Variants in CRIP2 observed in about 807,000 individuals in gnomAD.
The protein encoded by CRIP2 is cysteine-rich protein 2.
Under a neutral mutation model 31.3 loss-of-function variants are expected in CRIP2, and 31 were observed. The ratio of observed to expected loss-of-function variants is 0.99; its 90% CI spans 0.74 to 1.34. The LOEUF (loss-of-function observed/expected upper bound fraction) is 1.34. Among genes scored for constraint, CRIP2 ranks in the 40% most tolerant of loss-of-function variants. The probability of loss-of-function intolerance (pLI) is 0.00; values close to 1 mark genes in which losing one functional copy is unlikely to be tolerated. For synonymous variants in CRIP2, 177 were observed against 127.2 expected (o/e 1.39, Z -2.63); for missense variants, 389 against 301.6 (o/e 1.29, Z -2.15).
At chr14:105,473,201 C>G (rs1215382261), upstream of CRIP2, 1 of 1,532,534 alleles carries the variant, frequency 6.5e-7, no homozygotes, top group African/African-American at 1.4e-5. Context: ...CCTAGGGACC[C>G]CTGGGCCTGC....
At chr14:105,476,541 G>C (rs587701560) in intron 1 of CRIP2, 1 of 985,348 alleles carries the variant, frequency 1.0e-6, no homozygotes, top group South Asian at 4.7e-5. Flanking sequence ...TTCCCAACTC[G>C]GACCCGTAAT....
In CRIP2 at chr14:105,478,208, GC is replaced by G; in HGVS notation, c.44-57del. 7.4e-7 allele frequency: 1 copy of G among 1,351,548 alleles called. No homozygotes were observed. The highest frequency in any genetic ancestry group is 1.5e-5 in the South Asian group (1 of 68,130). The allele number at this position is 1,351,548 out of a possible 1,614,324, so 83.7% of individuals were successfully genotyped here. A position where few individuals can be genotyped will look rare whatever the true frequency, so the allele number is the denominator to read the frequency against. Reference sequence around the variant, plus strand: ...TGGGGGTGGTGGCTGCCAGGTGGGGGCGGAGGGGGTGCGGGGCGCGCCCCGG... The same window carrying G: ...TGGGGGTGGTGGCTGCCAGGTGGGGGGGAGGGGGTGCGGGGCGCGCCCCGG... On this transcript the variant is annotated intron_variant, in intron 1 of 7. Transcript: ENST00000329146. The surrounding 1 kb of genome is among the most constrained non-coding windows in gnomAD (Gnocchi z 4.9).
chr14:105,475,849 G>T, intron 1 of CRIP2: 1 of 985,522 alleles, frequency 1.0e-6, no homozygotes, highest in Non-Finnish European at 1.2e-6. Context: ...GCACGAAGGG[G>T]GGCAGACTTA....
At position 105,475,966 on chromosome 14, in the gene CRIP2, C is replaced by T. The variant is rs1398699770; in HGVS notation, c.43+1061C>T. ...AGGCCGCCACTGGGCTTCCCCGGCT[C>T]ACAGGCTGGAGGGGGTTGAGGGGAG... On this transcript the variant is annotated intron_variant, in intron 1 of 7. Coordinates refer to ENST00000329146, the MANE Select transcript of CRIP2 (RefSeq NM_001312.4). The T allele has an allele frequency of 6.1e-6, 6 of 985,470 alleles. No individual in the cohort carries two copies. The African/African-American group carries it at 1.0e-4, about 17-fold the overall frequency. 61.0% of individuals were successfully genotyped at this position (985,470 alleles called of 1,614,324 possible). A position where few individuals can be genotyped will look rare whatever the true frequency, so the allele number is the denominator to read the frequency against.
In CRIP2 at chr14:105,479,048, G is replaced by A; in HGVS notation, c.406+1G>A. 6.4e-7 allele frequency: 1 copy of A among 1,573,236 alleles called. No homozygotes were observed. Among genetic ancestry groups the A allele is most frequent in the Non-Finnish European group, 8.6e-7 (1 of 1,161,178 alleles). On this transcript the variant is annotated splice_donor_variant, in intron 5 of 7. Coordinates refer to ENST00000329146, the MANE Select transcript of CRIP2 (RefSeq NM_001312.4). LOFTEE classifies it high-confidence loss of function. Reference sequence around the variant, plus strand: ...CGCTGCAGCAAGAAGGTGTACTTCGGTGAGTGCGCGCCCGGGCCCCGGACC... The same window carrying A: ...CGCTGCAGCAAGAAGGTGTACTTCGATGAGTGCGCGCCCGGGCCCCGGACC...
chr14:105,479,537 C>T lies in CRIP2; in HGVS notation c.559+44C>T, dbSNP rs111531362. The stretch of plus-strand genomic sequence containing the variant: ...GTCCACGATGTCTTCCCTGCCCTCC[C>T]CTTCCCTCCACTGTTCCCCCGACCC... On this transcript the variant is annotated intron_variant, in intron 7 of 7. Coordinates refer to ENST00000329146, the MANE Select transcript of CRIP2 (RefSeq NM_001312.4). The T allele has an allele frequency of 1.6e-4, 260 of 1,612,824 alleles. 5 individuals carry two copies. In the Middle Eastern group the frequency reaches 2.1e-3, roughly 13 times the overall value.
rs2084023140 is a variant in CRIP2 at position 105,479,033 on chromosome 14, A to G, written c.392A>G (p.Lys131Arg). 1.9e-6 allele frequency: 3 copies of G among 1,582,634 alleles called. No individual in the cohort carries two copies. Among genetic ancestry groups the G allele is most frequent in the Non-Finnish European group, 2.6e-6 (3 of 1,166,694 alleles). Reference protein sequence around the residue: ...GEPNTCPRCSKKVYFAEKVTS... With the variant: ...GEPNTCPRCSRKVYFAEKVTS... Reference sequence around the variant, plus strand: ...CCCAACACGTGCCCGCGCTGCAGCAAGAAGGTGTACTTCGGTGAGTGCGCG... The same window carrying G: ...CCCAACACGTGCCCGCGCTGCAGCAGGAAGGTGTACTTCGGTGAGTGCGCG... The change falls in exon 5 of 8, where the codon AAG becomes AGG. Residue 131 changes from lysine (K) to arginine (R), a missense_variant. Coordinates refer to ENST00000329146, the MANE Select transcript of CRIP2 (RefSeq NM_001312.4).
rs1454797137 is a variant in CRIP2 at position 105,479,055 on chromosome 14, C to A, written c.406+8C>A. On this transcript the variant is annotated splice_region_variant and intron_variant, in intron 5 of 7. Transcript: ENST00000329146. Reference sequence around the variant, plus strand: ...GCAAGAAGGTGTACTTCGGTGAGTGCGCGCCCGGGCCCCGGACCCCCGCCC... The same window carrying A: ...GCAAGAAGGTGTACTTCGGTGAGTGAGCGCCCGGGCCCCGGACCCCCGCCC... 4 of 1,567,554 alleles carry A rather than the reference C, an allele frequency of 2.6e-6. No homozygotes were observed. In the African/African-American group the frequency reaches 5.4e-5, roughly 21 times the overall value.
At position 105,474,845 on chromosome 14, in the gene CRIP2, C is replaced by T. The variant is rs1339349848; in HGVS notation, c.-18C>T. On this transcript the variant is annotated 5_prime_UTR_variant, in exon 1 of 8. Coordinates refer to ENST00000329146, the MANE Select transcript of CRIP2 (RefSeq NM_001312.4). This position sits in a 1 kb window ranked among gnomAD's most constrained non-coding sequence, Gnocchi z 5.1. ...AGGAGAACGGGCGGAGGGCGCGGGC[C>T]GACCGGGCGCACCGACCATGGCCTC... is the stretch of plus-strand genomic sequence containing the variant. The T allele has an allele frequency of 5.2e-5, 77 of 1,475,052 alleles. 1 individual carries two copies. Among genetic ancestry groups the T allele is most frequent in the Non-Finnish European group, 6.7e-5 (74 of 1,107,604 alleles). 91.4% of individuals were successfully genotyped at this position (1,475,052 alleles called of 1,614,324 possible).
In CRIP2 at chr14:105,479,570, C is replaced by A. The variant is rs375776764; in HGVS notation, c.560-16C>A. On this transcript the variant is annotated splice_polypyrimidine_tract_variant and intron_variant, in intron 7 of 7. Coordinates refer to ENST00000329146, the MANE Select transcript of CRIP2 (RefSeq NM_001312.4). The stretch of plus-strand genomic sequence containing the variant: ...CCACTGTTCCCCCGACCCACCCCAG[C>A]GGCCTCCCTCCACAGGAGTGAACAC... 2 of 1,612,694 alleles carry A rather than the reference C, an allele frequency of 1.2e-6. No homozygotes were observed. The highest frequency in any genetic ancestry group is 1.7e-5 in the Admixed American group (1 of 59,996).
Position 105,474,962 on chromosome 14 carries a change from G to A in CRIP2, c.43+57G>A. 7.0e-7 allele frequency: 1 copy of A among 1,434,750 alleles called. No homozygotes were observed. The highest frequency in any genetic ancestry group is 9.2e-7 in the Non-Finnish European group (1 of 1,089,236). The allele number at this position is 1,434,750 out of a possible 1,614,324, so 88.9% of individuals were successfully genotyped here. The stretch of plus-strand genomic sequence containing the variant: ...TGCATCCCGCCGCCCTTCGCGGCCA[G>A]TCCCGCGCCGCAGAGCCGCGGCGTA... On this transcript the variant is annotated intron_variant, in intron 1 of 7. Coordinates refer to ENST00000329146, the MANE Select transcript of CRIP2 (RefSeq NM_001312.4). The surrounding 1 kb of genome is among the most constrained non-coding windows in gnomAD (Gnocchi z 5.1).
In CRIP2 at chr14:105,474,977, G is replaced by C; in HGVS notation, c.43+72G>C. On this transcript the variant is annotated intron_variant, in intron 1 of 7. Transcript: ENST00000329146. This position sits in a 1 kb window ranked among gnomAD's most constrained non-coding sequence, Gnocchi z 5.1. Reference sequence around the variant, plus strand: ...TTCGCGGCCAGTCCCGCGCCGCAGAGCCGCGGCGTAACTCGGGGTGCGCCC... The same window carrying C: ...TTCGCGGCCAGTCCCGCGCCGCAGACCCGCGGCGTAACTCGGGGTGCGCCC... 7.2e-7 allele frequency: 1 copy of C among 1,381,010 alleles called. No homozygotes were observed. The allele number at this position is 1,381,010 out of a possible 1,614,324, so 85.5% of individuals were successfully genotyped here.
chr14:105,479,668 C>G lies in CRIP2; in HGVS notation c.*15C>G. The G allele has an allele frequency of 6.2e-7, 1 of 1,609,154 alleles. No individual in the cohort carries two copies. Among genetic ancestry groups the G allele is most frequent in the South Asian group, 1.1e-5 (1 of 90,456 alleles). Reference sequence around the variant, plus strand: ...TCCAGCCCTAGGCTACAGCGGCTCTCATGATGTGGGCTCACCTGCGCCCCA... The same window carrying G: ...TCCAGCCCTAGGCTACAGCGGCTCTGATGATGTGGGCTCACCTGCGCCCCA... On this transcript the variant is annotated 3_prime_UTR_variant, in exon 8 of 8. Transcript: ENST00000329146.
At position 105,479,278 on chromosome 14, in the gene CRIP2, G is replaced by C. The variant is rs922463911; in HGVS notation, c.501+59G>C. On this transcript the variant is annotated intron_variant, in intron 6 of 7. Coordinates refer to ENST00000329146, the MANE Select transcript of CRIP2 (RefSeq NM_001312.4). ...CAGGGGCGCGGGGTCGGGGGGATGA[G>C]GGTGAGAGGCGCGCCTAGAGGGGAT... is the stretch of plus-strand genomic sequence containing the variant. The C allele has an allele frequency of 9.8e-6, 15 of 1,534,806 alleles. No homozygotes were observed. In the East Asian group the frequency reaches 3.2e-4, roughly 33 times the overall value.
At chr14:105,475,457 C>T (rs141671284) in intron 1 of CRIP2, 6 of 152,580 alleles carry the variant, frequency 3.9e-5, no homozygotes. Context: ...GCGACCTTGG[C>T]CTCTGCCTCC....
upstream of CRIP2, chr14:105,473,387 G>A (rs2083874502): frequency 3.3e-6 from 5 of 1,535,730 alleles, no homozygotes; most frequent in Admixed American, 3.9e-5. Context: ...GTGGCTGCAG[G>A]GTGTGTGTGC....
At position 105,478,774 on chromosome 14, in the gene CRIP2, C is replaced by G. The variant is rs1365877825; in HGVS notation, c.240C>G (p.Pro80=). The change falls in exon 4 of 8, where the codon CCC becomes CCG. Residue 80 remains proline (P), a synonymous_variant. Coordinates refer to ENST00000329146, the MANE Select transcript of CRIP2 (RefSeq NM_001312.4). This position sits in a 1 kb window ranked among gnomAD's most constrained non-coding sequence, Gnocchi z 4.9. ...GGAGSYIYEK[P]LAEGPQVTGP... is the part of the protein sequence containing the mutation. ...CGGGCTCCTACATCTACGAGAAGCC[C>G]CTGGCGGAGGGGCCGCAGGTCACCG... The G allele has an allele frequency of 1.4e-6, 2 of 1,431,882 alleles. No homozygotes were observed. Among genetic ancestry groups the G allele is most frequent in the Admixed American group, 5.8e-5 (2 of 34,548 alleles). 88.7% of individuals were successfully genotyped at this position (1,431,882 alleles called of 1,614,324 possible). A position where few individuals can be genotyped will look rare whatever the true frequency, so the allele number is the denominator to read the frequency against.
intron 6 of CRIP2, 39 bp downstream of exon 6, chr14:105,479,258 G>A (rs1258761789): frequency 6.4e-7 from 1 of 1,566,194 alleles, no homozygotes; most frequent in Non-Finnish European, 8.7e-7. Context: ...CCGGGCAGGG[G>A]CGCGGGGTCG....
At chr14:105,477,426 C>CG (rs1214359665) in intron 1 of CRIP2, 284 of 984,826 alleles carry the variant, frequency 2.9e-4, no homozygotes, top group Admixed American at 1.9e-3. Flanking sequence ...CCCACGGGGA[C>CG]GGGGCCTGGC....
Sources: allele counts gnomAD v4.1 joint callset, GRCh38; gene constraint gnomAD v4.1.1; non-coding constraint Gnocchi (gnomAD v3.1); transcripts MANE v1.5; gene names NCBI Gene and HGNC (gene_info 2026-07-23, HGNC 2026-07-21).